CD84: variants seen among roughly 807,000 people sequenced by gnomAD.
CD84 encodes CD84 molecule.
CD84 carries 22 observed loss-of-function variants against 33.8 expected under a neutral mutation model. That is an observed-to-expected ratio of 0.65 (90% CI 0.46 to 0.93). The LOEUF is 0.93. Ranked by LOEUF, CD84 falls within the 40% of genes least tolerant of loss-of-function variation. The probability of loss-of-function intolerance (pLI) is 0.00; values close to 1 mark genes in which losing one functional copy is unlikely to be tolerated. For missense variants in CD84, 400 were observed against 397.6 expected (o/e 1.01, Z -0.05); for synonymous variants, 154 against 145.2 (o/e 1.06, Z -0.44).
At chr1:160,553,746 A>T (rs1656405417) in intron 3 of CD84, 149 bp downstream of exon 3, 1 of 1,295,052 alleles carries the variant, frequency 7.7e-7, no homozygotes. Context: ...CCTCTTTCCC[A>T]GTAGGCTTCT....
At chr1:160,576,399 T>C (rs1280061614) in intron 1 of CD84, among the ~76,000 whole-genome samples, 4 of 152,214 alleles carry the variant, frequency 2.6e-5, no homozygotes, top group Admixed American at 2.6e-4. Flanking sequence ...TTGAAATATG[T>C]CTGGAGATGG....
chr1:160,545,914 G>A lies in CD84; in HGVS notation c.*2342C>T, dbSNP rs762801090. Reference sequence around the variant, plus strand: ...CCCAAAGTGCTGGGATTACAGGCGTGAGCCACCGTGCCCAGCTGCATCCTG... The same window carrying A: ...CCCAAAGTGCTGGGATTACAGGCGTAAGCCACCGTGCCCAGCTGCATCCTG... On this transcript the variant is annotated 3_prime_UTR_variant, in exon 7 of 7. Coordinates refer to ENST00000368054, the MANE Select transcript of CD84 (RefSeq NM_003874.4). The A allele has an allele frequency of 6.6e-6, 1 of 152,096 alleles. No individual in the cohort carries two copies. The highest frequency in any genetic ancestry group is 2.4e-5 in the African/African-American group (1 of 41,388). The allele number at this position is 152,096 out of a possible 1,614,324, so 9.4% of individuals were successfully genotyped here. A position where few individuals can be genotyped will look rare whatever the true frequency, so the allele number is the denominator to read the frequency against.
At chr1:160,553,800 C>T (rs757657438) in intron 3 of CD84, 95 bp downstream of exon 3, 1 of 1,574,394 alleles carries the variant, frequency 6.4e-7, no homozygotes, top group Non-Finnish European at 8.7e-7. Flanking sequence ...ATAAAGGAAG[C>T]ACATCTCCCT....
rs747296649 is a variant in CD84 at position 160,579,374 on chromosome 1, G to A, written c.46+18C>T. 6.2e-7 allele frequency: 1 copy of A among 1,612,996 alleles called. No homozygotes were observed. Among genetic ancestry groups the A allele is most frequent in the African/African-American group, 1.3e-5 (1 of 74,962 alleles). On this transcript the variant is annotated intron_variant, in intron 1 of 6. Transcript: ENST00000368054. ...TTTATGGAAAACTAGGAGGCGATCA[G>A]CAAGGGTCAGAACTCACAGGTTTGC...
intron 2 of CD84, among the ~76,000 whole-genome samples, chr1:160,558,825 G>A (rs188187919): frequency 2.0e-5 from 3 of 152,062 alleles, no homozygotes; most frequent in Admixed American, 6.6e-5. Context: ...ACCACAACAC[G>A]AGATACTGAT....
At chr1:160,579,302 G>C in intron 1 of CD84, 90 bp downstream of exon 1, 1 of 1,580,330 alleles carries the variant, frequency 6.3e-7, no homozygotes, top group Non-Finnish European at 8.7e-7. Flanking sequence ...GCTAAACACA[G>C]ATCAAAAAGA....
Position 160,547,865 on chromosome 1 carries a change from G to T in CD84, c.*391C>A. The stretch of plus-strand genomic sequence containing the variant: ...AAAATATTGATCCCCTTCTCCCACA[G>T]TTACTGGGCAGGGTTGTTACCTCCA... On this transcript the variant is annotated 3_prime_UTR_variant, in exon 7 of 7. Coordinates refer to ENST00000368054, the MANE Select transcript of CD84 (RefSeq NM_003874.4). 4.2e-6 allele frequency: 1 copy of T among 240,020 alleles called. No individual in the cohort carries two copies. Among genetic ancestry groups the T allele is most frequent in the Non-Finnish European group, 8.2e-6 (1 of 121,244 alleles). 14.9% of individuals were successfully genotyped at this position (240,020 alleles called of 1,614,324 possible). A position where few individuals can be genotyped will look rare whatever the true frequency, so the allele number is the denominator to read the frequency against.
chr1:160,575,408 A>G (rs564835844), intron 1 of CD84, among the ~76,000 whole-genome samples: 2 of 151,952 alleles, frequency 1.3e-5, no homozygotes, highest in South Asian at 4.2e-4. Flanking sequence ...TACTACCCCC[A>G]TGCAATAGTA....
Position 160,550,922 on chromosome 1 carries a change from A to G in CD84, c.858+16T>C. ...AGATGGTGGCACAGGGGTGTCCATG[A>G]ATTGCATCAGCTCACCTTGGACTGC... On this transcript the variant is annotated intron_variant, in intron 5 of 6. Coordinates refer to ENST00000368054, the MANE Select transcript of CD84 (RefSeq NM_003874.4). The G allele has an allele frequency of 6.2e-7, 1 of 1,611,544 alleles. No individual in the cohort carries two copies. The highest frequency in any genetic ancestry group is 8.5e-7 in the Non-Finnish European group (1 of 1,177,720).
chr1:160,577,354 A>G (rs1451650518), intron 1 of CD84, among the ~76,000 whole-genome samples: 1 of 152,192 alleles, frequency 6.6e-6, no homozygotes, highest in African/African-American at 2.4e-5. Flanking sequence ...GGAGGAATTC[A>G]TGGTATATTT....
At position 160,546,869 on chromosome 1, in the gene CD84, C is replaced by G. The variant is rs3733266; in HGVS notation, c.*1387G>C. 110,635 of 359,648 alleles carry G rather than the reference C, an allele frequency of 0.31. 17,750 individuals are homozygous for G. The highest frequency in any genetic ancestry group is 0.37 in the African/African-American group (17,480 of 47,860). The allele number at this position is 359,648 out of a possible 1,614,324, so 22.3% of individuals were successfully genotyped here. On this transcript the variant is annotated 3_prime_UTR_variant, in exon 7 of 7. Transcript: ENST00000368054. Reference sequence around the variant, plus strand: ...CTTCTACTTTGGGGCCTTGCAGCTCCTAACATAGTGCTAATGGTAGTTGGT... The same window carrying G: ...CTTCTACTTTGGGGCCTTGCAGCTCGTAACATAGTGCTAATGGTAGTTGGT...
chr1:160,551,352 A>G (rs1264234181), intron 4 of CD84: 2 of 310,334 alleles, frequency 6.4e-6, no homozygotes, highest in East Asian at 9.2e-5. Flanking sequence ...TCTGACACTT[A>G]CCACTGACTG....
chr1:160,575,671 C>G (rs879933304), intron 1 of CD84, among the ~76,000 whole-genome samples: 1 of 152,138 alleles, frequency 6.6e-6, no homozygotes. Context: ...ATTGCTCATA[C>G]CTCTTTCCAA....
chr1:160,558,765 C>A (rs1656765684), intron 2 of CD84, among the ~76,000 whole-genome samples: 1 of 152,014 alleles, frequency 6.6e-6, no homozygotes, highest in South Asian at 2.1e-4. Flanking sequence ...GAGCTGATAG[C>A]CAGAATAGCC....
Position 160,554,086 on chromosome 1 carries a change from T to C in CD84, c.449A>G (p.Asn150Ser). The change falls in exon 3 of 7, where the codon AAT becomes AGT. Residue 150 changes from asparagine to serine, a missense_variant. Asn to Ser is a conservative substitution (Grantham distance 46, BLOSUM62 1). Transcript: ENST00000368054. ...SLMASVNSTC[N>S]VTLTCSVEKE... ...CTCTACAGAGCATGTCAGTGTGACATTACAGGTGCTGTTCACAGATGCCAT... is the reference window on the plus strand; with the variant it reads ...CTCTACAGAGCATGTCAGTGTGACACTACAGGTGCTGTTCACAGATGCCAT... 6.2e-7 allele frequency: 1 copy of C among 1,614,210 alleles called. No individual in the cohort carries two copies. Among genetic ancestry groups the C allele is most frequent in the South Asian group, 1.1e-5 (1 of 91,086 alleles).
intron 6 of CD84, among the ~76,000 whole-genome samples, chr1:160,549,636 G>C (rs185962607): frequency 6.6e-6 from 1 of 152,092 alleles, no homozygotes; most frequent in South Asian, 2.1e-4. Context: ...GGTATTATAC[G>C]GGATGGAGTT....
At chr1:160,575,577 C>T (rs1262072019) in intron 1 of CD84, among the ~76,000 whole-genome samples, 1 of 151,940 alleles carries the variant, frequency 6.6e-6, no homozygotes, top group Non-Finnish European at 1.5e-5. Flanking sequence ...CATTGCTGCC[C>T]TCTATTAGCG....
intron 5 of CD84, chr1:160,550,533 C>T (rs899023786): frequency 1.3e-6 from 1 of 773,338 alleles, no homozygotes; most frequent in Non-Finnish European, 1.6e-6. Context: ...TTCAAGGGAA[C>T]TTGTCTGTCA....
rs1009355565 is a variant in CD84 at position 160,547,980 on chromosome 1, C to T, written c.*276G>A. The stretch of plus-strand genomic sequence containing the variant: ...TGTGCCATAAAAATATTATTTTCTA[C>T]ATGTGCTATGATGGGAAGAAGTTTG... On this transcript the variant is annotated 3_prime_UTR_variant, in exon 7 of 7. Coordinates refer to ENST00000368054, the MANE Select transcript of CD84 (RefSeq NM_003874.4). 1.5e-5 allele frequency: 7 copies of T among 454,926 alleles called. No homozygotes were observed. Among genetic ancestry groups the T allele is most frequent in the Admixed American group, 1.4e-4 (4 of 28,570 alleles). 28.2% of individuals were successfully genotyped at this position (454,926 alleles called of 1,614,324 possible). A position where few individuals can be genotyped will look rare whatever the true frequency, so the allele number is the denominator to read the frequency against.
Sources: allele counts gnomAD v4.1 joint callset (sites outside exome capture counted in the v4.1 genomes callset), GRCh38; gene constraint gnomAD v4.1.1; transcripts MANE v1.5; gene names NCBI Gene and HGNC (gene_info 2026-07-23, HGNC 2026-07-21).